The following CD70 variants were observed in gnomAD, a reference collection of about 807,000 sequenced individuals.
CD70 encodes the protein CD70 molecule, also known as CD70 antigen.
CD70 carries 6 observed loss-of-function variants against 9.0 expected under a neutral mutation model. The ratio of observed to expected loss-of-function variants is 0.67; its 90% CI spans 0.37 to 1.32. The LOEUF is 1.32. Ranked by LOEUF, CD70 falls within the 40% of genes most tolerant of loss-of-function variation. The probability of loss-of-function intolerance (pLI) is 0.02; values close to 1 mark genes in which losing one functional copy is unlikely to be tolerated. For synonymous variants in CD70, 108 were observed against 112.3 expected, an observed-to-expected ratio of 0.96 and a Z score of 0.24; for missense variants, 235 against 258.7, an observed-to-expected ratio of 0.91 and a Z score of 0.63.
chr19:6,585,956 A>G lies in CD70; in HGVS notation c.*64T>C. The stretch of plus-strand genomic sequence containing the variant: ...AACCCCGGGTGGCCCCTGTGTGTAC[A>G]CTTTTTCTCTTGAACTTAAATAAAA... On this transcript the variant is annotated 3_prime_UTR_variant, in exon 3 of 3. Transcript: ENST00000245903. 7.3e-7 allele frequency: 1 copy of G among 1,361,826 alleles called. No individual in the cohort carries two copies. Among genetic ancestry groups the G allele is most frequent in the Non-Finnish European group, 9.9e-7 (1 of 1,011,164 alleles). 84.4% of individuals were successfully genotyped at this position (1,361,826 alleles called of 1,614,324 possible). A position where few individuals can be genotyped will look rare whatever the true frequency, so the allele number is the denominator to read the frequency against.
At chr19:6,582,512 C>T (rs1242543951), downstream of CD70, among the ~76,000 whole-genome samples, 4 of 151,276 alleles carry the variant, frequency 2.6e-5, no homozygotes, top group Non-Finnish European at 5.9e-5. Flanking sequence ...CCCCCTCCCC[C>T]GACTCCACAC....
chr19:6,583,900 C>G (rs1915967269), downstream of CD70, among the ~76,000 whole-genome samples: 2 of 151,182 alleles, frequency 1.3e-5, no homozygotes, highest in African/African-American at 4.9e-5. Context: ...TTAAGTGACC[C>G]TCCTGCCTCA....
downstream of CD70, among the ~76,000 whole-genome samples, chr19:6,583,947 C>T (rs1364367511): frequency 6.6e-6 from 1 of 151,596 alleles, no homozygotes; most frequent in Non-Finnish European, 1.5e-5. Context: ...TGCCGGCCAC[C>T]ATGCCTGGCT....
intron 2 of CD70, among the ~76,000 whole-genome samples, chr19:6,588,390 G>T (rs562136329): frequency 3.9e-5 from 6 of 152,092 alleles, no homozygotes; most frequent in African/African-American, 9.7e-5. Flanking sequence ...AGGCCGGGGA[G>T]GGGGGGAAGA....
chr19:6,586,444 T>A, intron 2 of CD70, 39 bp from the exon 3 acceptor site: 1 of 1,552,530 alleles, frequency 6.4e-7, no homozygotes, highest in Non-Finnish European at 8.7e-7. Flanking sequence ...GGATGGAGGT[T>A]TAGGGAAACT....
In CD70 at chr19:6,590,280, A is replaced by C. The variant is rs1036176664; in HGVS notation, c.163-144T>G. ...CGCACTGGTGATTTTATTTCATTTT[A>C]TTTTTTTTTACTCTTAAGACTTCTT... On this transcript the variant is annotated intron_variant, in intron 1 of 2. Coordinates refer to ENST00000245903, the MANE Select transcript of CD70 (RefSeq NM_001252.5). The surrounding 1 kb of genome is among the most constrained non-coding windows in gnomAD (Gnocchi z 5.3). The C allele has an allele frequency of 3.1e-6, 2 of 641,240 alleles. No homozygotes were observed. Among genetic ancestry groups the C allele is most frequent in the African/African-American group, 3.7e-5 (2 of 53,778 alleles). 39.7% of individuals were successfully genotyped at this position (641,240 alleles called of 1,614,324 possible).
intron 2 of CD70, among the ~76,000 whole-genome samples, chr19:6,589,736 T>C (rs1027224602): frequency 6.6e-6 from 1 of 151,610 alleles, no homozygotes; most frequent in Admixed American, 6.6e-5. Flanking sequence ...CTTTTTTCTC[T>C]TTCTCCGTCT....
At chr19:6,583,111 C>G (rs62123186), downstream of CD70, 6 of 431,526 alleles carry the variant, frequency 1.4e-5, no homozygotes, top group Middle Eastern at 5.4e-4. Context: ...CACCACTCCT[C>G]TCACTTCCCC....
downstream of CD70, among the ~76,000 whole-genome samples, chr19:6,582,264 C>T (rs411204): frequency 6.7e-6 from 1 of 149,808 alleles, no homozygotes; most frequent in African/African-American, 2.5e-5. Context: ...TCGAACTCTT[C>T]AGCTCAGGCA....
chr19:6,590,434 G>T lies in CD70; in HGVS notation c.163-298C>A, dbSNP rs974288111. ...GCACCGCGCGCAGCGGACTCTCTAC[G>T]CTGCAAAGGCGCCCGGCGCGGTCCC... is the stretch of plus-strand genomic sequence containing the variant. On this transcript the variant is annotated intron_variant, in intron 1 of 2. Transcript: ENST00000245903. The surrounding 1 kb of genome is among the most constrained non-coding windows in gnomAD (Gnocchi z 5.3). Among the ~76,000 whole-genome samples the T allele has an allele frequency of 1.3e-5, 2 of 152,172 alleles. No individual in the cohort carries two copies.
At chr19:6,583,299 C>G (rs768297496), downstream of CD70, 6 of 690,570 alleles carry the variant, frequency 8.7e-6, no homozygotes, top group South Asian at 9.2e-5. Flanking sequence ...GGACAGATGA[C>G]TCAACGGTTT....
intron 2 of CD70, among the ~76,000 whole-genome samples, chr19:6,588,663 C>T (rs1916081583): frequency 6.6e-6 from 1 of 151,900 alleles, no homozygotes; most frequent in Non-Finnish European, 1.5e-5. Context: ...CCGACCGCCG[C>T]GACTCCACTT....
chr19:6,586,505 G>T (rs763840818), intron 2 of CD70, 100 bp from the exon 3 acceptor site: 21 of 1,299,802 alleles, frequency 1.6e-5, no homozygotes, highest in Admixed American at 2.6e-5. Context: ...GAGAGTTAGA[G>T]ATCAAGGAAT....
chr19:6,582,033 CT>C (rs35914430), downstream of CD70, among the ~76,000 whole-genome samples: 53 of 143,550 alleles, frequency 3.7e-4, no homozygotes, highest in East Asian at 4.1e-4. Flanking sequence ...GCAGTTAAAT[CT>C]TTTTTTTTTT....
chr19:6,581,675 T>C (rs1275681770), downstream of CD70, among the ~76,000 whole-genome samples: 2 of 152,346 alleles, frequency 1.3e-5, no homozygotes, highest in East Asian at 1.9e-4. Context: ...TTTATATTCC[T>C]GTGAACAGTT....
chr19:6,583,903 C>T (rs1915967341), downstream of CD70, among the ~76,000 whole-genome samples: 1 of 151,028 alleles, frequency 6.6e-6, no homozygotes, highest in African/African-American at 2.4e-5. Flanking sequence ...AGTGACCCTC[C>T]TGCCTCACCC....
Position 6,590,700 on chromosome 19 carries a change from TC to T in CD70, c.162+140del. 1.3e-6 allele frequency: 1 copy of T among 742,732 alleles called. No individual in the cohort carries two copies. Among genetic ancestry groups the T allele is most frequent in the Non-Finnish European group, 2.2e-6 (1 of 456,442 alleles). 46.0% of individuals were successfully genotyped at this position (742,732 alleles called of 1,614,324 possible). ...GTAGCCCCTACACCGGGCAGCCTGG[TC>T]CCCGCCTCGCCTCCCTGTTCTGGTC... On this transcript the variant is annotated intron_variant, in intron 1 of 2. Transcript: ENST00000245903. This position sits in a 1 kb window ranked among gnomAD's most constrained non-coding sequence, Gnocchi z 5.3.
intron 2 of CD70, among the ~76,000 whole-genome samples, chr19:6,588,653 C>G (rs957498695): frequency 5.9e-5 from 9 of 152,064 alleles, no homozygotes; most frequent in Non-Finnish European, 2.9e-5. Flanking sequence ...ACCCCCCCAC[C>G]CGACCGCCGC....
chr19:6,590,108 T>C lies in CD70; in HGVS notation c.191A>G (p.His64Arg). ...CTCCACGTCCCCCGTGTTACCTGTG[T>C]GATTCAGCTGCAGCTCAGCTACGTC... is the stretch of plus-strand genomic sequence containing the variant. ...GWDVAELQLN[H>R]TGPQQDPRLY... Residue 64 changes from histidine to arginine, a missense_variant, in exon 2 of 3, where the codon CAC becomes CGC. His to Arg is a conservative substitution (Grantham distance 29). Transcript: ENST00000245903. This position sits in a 1 kb window ranked among gnomAD's most constrained non-coding sequence, Gnocchi z 5.3. 1.9e-6 allele frequency: 3 copies of C among 1,613,602 alleles called. No individual in the cohort carries two copies. The highest frequency in any genetic ancestry group is 8.5e-7 in the Non-Finnish European group (1 of 1,179,600).
Sources: gnomAD v4.1 joint callset for allele counts (sites outside exome capture counted in the v4.1 genomes callset) on GRCh38, gnomAD v4.1.1 for gene constraint, Gnocchi (gnomAD v3.1) non-coding constraint, MANE v1.5 for transcripts, NCBI Gene and HGNC (gene_info 2026-07-23, HGNC 2026-07-21) for gene names.